Variants in REPS2 observed in about 807,000 individuals in gnomAD.
REPS2 encodes ralBP1-associated Eps domain-containing protein 2.
Under a neutral mutation model 53.6 loss-of-function variants are expected in REPS2, and 23 were observed. The observed-to-expected ratio is 0.43, with a 90% CI of 0.31 to 0.61. The LOEUF is 0.61. REPS2 is among the 20% of genes least tolerant of loss of function. REPS2 has a pLI of 0.11. For synonymous variants in REPS2, 238 were observed against 218.6 expected (o/e 1.09, Z -0.78); for missense variants, 446 against 534.9 (o/e 0.83, Z 1.64).
Position 17,068,475 on chromosome X carries a change from G to A in REPS2, c.1279+4G>A, listed in dbSNP as rs1250113984. 6 of 1,188,859 alleles carry A rather than the reference G, an allele frequency of 5.0e-6. No individual in the cohort carries two copies. The Admixed American group carries it at 1.1e-4, about 22-fold the overall frequency. On this transcript the variant is annotated splice_donor_region_variant and intron_variant, in intron 10 of 17. Coordinates refer to ENST00000357277, the MANE Select transcript of REPS2 (RefSeq NM_004726.3). ...GTAACTAGTGATGACAAACAAGGTA[G>A]GAGAAGAATGAGTTTTCTTCTTTAA...
intron 1 of REPS2, among the ~76,000 whole-genome samples, chrX:16,967,203 GT>G (rs2060781526): frequency 8.9e-6 from 1 of 112,000 alleles, no homozygotes; most frequent in South Asian, 3.7e-4. Flanking sequence ...TCCATAAACA[GT>G]TTTATTGGAA....
intron 5 of REPS2, among the ~76,000 whole-genome samples, chrX:17,044,826 G>A (rs920133198): frequency 1.8e-5 from 2 of 112,286 alleles, no homozygotes; most frequent in East Asian, 5.6e-4. Flanking sequence ...GCTCATTCAG[G>A]AAGTGCTGCT....
chrX:17,181,029 C>T, the REPS2 span, among the ~76,000 whole-genome samples: 1 of 111,917 alleles, frequency 8.9e-6, no homozygotes, highest in African/African-American at 3.3e-5. Context: ...TCTTTTCTCC[C>T]ACTCAGTTCT....
chrX:17,107,383 T>A (rs976953618), intron 14 of REPS2, among the ~76,000 whole-genome samples: 1 of 112,202 alleles, frequency 8.9e-6, no homozygotes, highest in African/African-American at 3.2e-5. Flanking sequence ...AAACTACTAT[T>A]CTCAAGTAGT....
At chrX:16,997,901 G>A (rs773619661) in intron 1 of REPS2, among the ~76,000 whole-genome samples, 8 of 111,673 alleles carry the variant, frequency 7.2e-5, no homozygotes, top group African/African-American at 2.3e-4. Context: ...TGCTCAGCTG[G>A]GCACAGTGGT....
intron 14 of REPS2, among the ~76,000 whole-genome samples, chrX:17,114,606 A>G (rs757032162): frequency 8.9e-6 from 1 of 112,485 alleles, no homozygotes; most frequent in Non-Finnish European, 1.9e-5. Flanking sequence ...ATAAAAAGTC[A>G]TTTGAAGATT....
chrX:16,985,413 T>C (rs2061079038), intron 1 of REPS2, among the ~76,000 whole-genome samples: 1 of 112,139 alleles, frequency 8.9e-6, no homozygotes, highest in African/African-American at 3.2e-5. Flanking sequence ...TTCAAAACTG[T>C]GTTCAGTTGG....
chrX:17,059,292 G>A (rs1419956392), intron 8 of REPS2, among the ~76,000 whole-genome samples: 12 of 104,971 alleles, frequency 1.1e-4, no homozygotes, highest in Non-Finnish European at 1.8e-4. Context: ...AACACGCCCG[G>A]CCTAGTGTTT....
intron 13 of REPS2, among the ~76,000 whole-genome samples, chrX:17,093,709 A>G (rs1036710998): frequency 4.5e-5 from 5 of 111,190 alleles, no homozygotes; most frequent in African/African-American, 1.6e-4. Flanking sequence ...TTATATTATA[A>G]TTTTGGTTAG....
rs1235619453 is a variant in REPS2, at chrX:17,096,682, AG to A, written c.1517-7035del. 5.4e-4 allele frequency among the ~76,000 whole-genome samples: 43 copies of A among 79,639 alleles called. 1 individual carries two copies. The highest frequency in any genetic ancestry group is 9.6e-3 in the Middle Eastern group (1 of 104). The allele number at this position is 79,639 out of a possible 115,157, so 69.2% of individuals were successfully genotyped here. ...CTCAAAAAAAAAAAAAAAAAAAAAA[AG>A]AAAAGAAAAGAGGAAGAAAATGAAT... On this transcript the variant is annotated intron_variant, in intron 13 of 17. Transcript: ENST00000357277.
intron 1 of REPS2, among the ~76,000 whole-genome samples, chrX:16,968,387 A>G (rs1195800072): frequency 1.8e-5 from 2 of 112,358 alleles, no homozygotes; most frequent in Non-Finnish European, 3.8e-5. Context: ...GTGGCCGGGC[A>G]GAGGGGCTCC....
chrX:16,994,861 C>T (rs960451912), intron 1 of REPS2, among the ~76,000 whole-genome samples: 4 of 111,723 alleles, frequency 3.6e-5, no homozygotes, highest in Non-Finnish European at 7.5e-5. Flanking sequence ...TCTGGCAGAG[C>T]GTAGGTCTTG....
At chrX:17,166,757 G>A in the REPS2 span, among the ~76,000 whole-genome samples, 1 of 111,904 alleles carries the variant, frequency 8.9e-6, no homozygotes, top group Non-Finnish European at 1.9e-5. Flanking sequence ...GTCACACAGA[G>A]TCCCTGCTGT....
chrX:16,965,961 C>T (rs1439544975), intron 1 of REPS2, among the ~76,000 whole-genome samples: 1 of 112,594 alleles, frequency 8.9e-6, no homozygotes, highest in Admixed American at 9.3e-5. Context: ...AATACGAAAA[C>T]CAGTCAGGCG....
intron 1 of REPS2, among the ~76,000 whole-genome samples, chrX:16,970,894 G>A (rs1454860865): frequency 1.8e-5 from 2 of 112,450 alleles, no homozygotes; most frequent in Non-Finnish European, 3.8e-5. Flanking sequence ...TTCATGAGTT[G>A]ACAGACATTT....
chrX:17,022,260 G>A lies in REPS2; in HGVS notation c.535G>A (p.Glu179Lys), dbSNP rs1569131544. The change falls in exon 3 of 18, where the codon GAG becomes AAG. Residue 179 changes from glutamate (E) to lysine (K), a missense_variant. Coordinates refer to ENST00000357277, the MANE Select transcript of REPS2 (RefSeq NM_004726.3). Reference sequence around the variant, plus strand: ...AAATTCCTTCAAAAGAATGGACGATGAGGATAAACAGGTAAACAGTTTGTT... The same window carrying A: ...AAATTCCTTCAAAAGAATGGACGATAAGGATAAACAGGTAAACAGTTTGTT... ...EKNSFKRMDD[E>K]DKQQETQSPT... 2 of 1,209,508 alleles carry A rather than the reference G, an allele frequency of 1.7e-6. No homozygotes were observed. The highest frequency in any genetic ancestry group is 3.5e-5 in the African/African-American group (2 of 57,781).
At chrX:17,032,617 T>TC (rs1292154119) in intron 5 of REPS2, among the ~76,000 whole-genome samples, 1 of 111,783 alleles carries the variant, frequency 8.9e-6, no homozygotes, top group African/African-American at 3.3e-5. Flanking sequence ...GGGTGACTAA[T>TC]CCCCCTCATG....
At chrX:16,961,950 C>T (rs890164196) in intron 1 of REPS2, among the ~76,000 whole-genome samples, 2 of 111,851 alleles carry the variant, frequency 1.8e-5, no homozygotes, top group Non-Finnish European at 3.8e-5. Flanking sequence ...GATATCAGCT[C>T]ACACCTTTTA....
intron 11 of REPS2, among the ~76,000 whole-genome samples, chrX:17,072,088 A>G (rs1042825207): frequency 5.4e-5 from 6 of 111,387 alleles, no homozygotes; most frequent in African/African-American, 2.0e-4. Flanking sequence ...TCCATTGCCA[A>G]CTATCACCCC....
Sources: gnomAD v4.1 joint callset for allele counts (sites outside exome capture counted in the v4.1 genomes callset) on GRCh38, gnomAD v4.1.1 for gene constraint, MANE v1.5 for transcripts, NCBI Gene and HGNC (gene_info 2026-07-23, HGNC 2026-07-21) for gene names.